The following BMP7 variants were observed in gnomAD, a reference collection of about 807,000 sequenced individuals.
BMP7 encodes the protein bone morphogenetic protein 7, also known as osteogenic protein 1.
In BMP7, 12 loss-of-function variants were observed where a neutral mutation model predicts 41.2. That is an observed-to-expected ratio of 0.29 (90% confidence interval 0.19 to 0.47). The LOEUF is 0.47. BMP7 is among the 20% of genes least tolerant of loss of function. The probability of loss-of-function intolerance (pLI) is 0.99; values close to 1 mark genes in which losing one functional copy is unlikely to be tolerated. For synonymous variants in BMP7, 248 were observed against 250.0 expected, an observed-to-expected ratio of 0.99 and a Z score of 0.07; for missense variants, 467 against 606.0, an observed-to-expected ratio of 0.77 and a Z score of 2.41.
intron 1 of BMP7, among the ~76,000 whole-genome samples, chr20:57,238,184 G>A (rs941330522): frequency 3.3e-5 from 5 of 151,990 alleles, no homozygotes; most frequent in African/African-American, 1.2e-4. Context: ...GACTGCTTTG[G>A]GCAACACCTA....
chr20:57,265,626 A>C (rs2066173598), intron 1 of BMP7, 79 bp downstream of exon 1: 1 of 1,539,150 alleles, frequency 6.5e-7, no homozygotes, highest in South Asian at 1.2e-5. Context: ...GGCGGGCTGC[A>C]TAGAAGAAGC....
intron 1 of BMP7, among the ~76,000 whole-genome samples, chr20:57,252,321 G>T (rs144998835): frequency 3.9e-5 from 6 of 152,326 alleles, no homozygotes; most frequent in Non-Finnish European, 8.8e-5. Context: ...TGGCCCGCGG[G>T]CTGGGGTCTG....
chr20:57,200,843 A>G (rs547436825), intron 3 of BMP7, among the ~76,000 whole-genome samples: 2 of 151,936 alleles, frequency 1.3e-5, no homozygotes, highest in East Asian at 3.9e-4. Flanking sequence ...TTGGTCCTAG[A>G]GCTACACTCA....
In BMP7 at chr20:57,220,328, C is replaced by G. The variant is rs558233288; in HGVS notation, c.611+7901G>C. Among the ~76,000 whole-genome samples, 4 of 152,306 alleles carry G rather than the reference C, an allele frequency of 2.6e-5. No homozygotes were observed. The East Asian group carries it at 7.7e-4, about 29-fold the overall frequency. The stretch of plus-strand genomic sequence containing the variant: ...GTTCCTGGTAAGCCTGTATTCCCCA[C>G]CCTTAGAGTTAGTATTTGAGCAGAC... On this transcript the variant is annotated intron_variant, in intron 2 of 6. Transcript: ENST00000395863.
At position 57,169,443 on chromosome 20, in the gene BMP7, C is replaced by T. The variant is rs6014947; in HGVS notation, c.*1516G>A. On this transcript the variant is annotated 3_prime_UTR_variant, in exon 7 of 7. Transcript: ENST00000395863. ...CAAGGCAGGCTTACACCAAGAGCCA[C>T]GTCAGAAATGCCACCTCCAAATCGG... 63,198 of 152,218 alleles carry T rather than the reference C, an allele frequency of 0.42. 14,503 individuals carry two copies. The highest frequency in any genetic ancestry group is 0.68 in the East Asian group (3,509 of 5,172). 9.4% of individuals were successfully genotyped at this position (152,218 alleles called of 1,614,324 possible). A position where few individuals can be genotyped will look rare whatever the true frequency, so the allele number is the denominator to read the frequency against.
chr20:57,215,211 A>G lies in BMP7; in HGVS notation c.612-12588T>C, dbSNP rs755395720. 1.6e-4 allele frequency among the ~76,000 whole-genome samples: 25 copies of G among 152,108 alleles called. No individual in the cohort carries two copies. The highest frequency in any genetic ancestry group is 3.2e-4 in the Non-Finnish European group (22 of 68,030). On this transcript the variant is annotated intron_variant, in intron 2 of 6. Coordinates refer to ENST00000395863, the MANE Select transcript of BMP7 (RefSeq NM_001719.3). This position sits in a 1 kb window ranked among gnomAD's most constrained non-coding sequence, Gnocchi z 4.2. ...CCCACCTTCACAGGCCTGGCTATGG[A>G]ACCAGGGGGCTGTCAAATTACCTCA...
At chr20:57,217,489 C>T (rs2180779) in intron 2 of BMP7, among the ~76,000 whole-genome samples, 100,246 of 152,176 alleles carry the variant, frequency 0.66, 34,093 homozygotes, top group African/African-American at 0.83. Flanking sequence ...CTGGGGACCC[C>T]GTGTGGCTGT....
At chr20:57,241,376 T>C (rs576383237) in intron 1 of BMP7, among the ~76,000 whole-genome samples, 11 of 152,230 alleles carry the variant, frequency 7.2e-5, no homozygotes, top group Non-Finnish European at 1.6e-4. Flanking sequence ...TCCTGCCTAA[T>C]GCCAGTCCTT....
chr20:57,219,120 G>A (rs1985119689), intron 2 of BMP7, among the ~76,000 whole-genome samples: 1 of 125,452 alleles, frequency 8.0e-6, no homozygotes, highest in Non-Finnish European at 1.5e-5. Flanking sequence ...GCTGGTGTTT[G>A]TTCGGTGGTA....
At chr20:57,191,946 T>C (rs1371826454) in intron 3 of BMP7, among the ~76,000 whole-genome samples, 1 of 131,290 alleles carries the variant, frequency 7.6e-6, no homozygotes, top group East Asian at 2.1e-4. Context: ...GTATATTATA[T>C]AATATAGTAT....
At chr20:57,222,844 GGAAGCTTCCA>G (rs56404749) in intron 2 of BMP7, among the ~76,000 whole-genome samples, 84,065 of 139,646 alleles carry the variant, frequency 0.6, 24,098 homozygotes, top group African/African-American at 0.65. Context: ...AGAGGCTTCT[GGAAGCTTCCA>G]GAAGCTTCCA....
intron 3 of BMP7, among the ~76,000 whole-genome samples, chr20:57,190,286 C>T (rs1416582374): frequency 7.1e-6 from 1 of 141,182 alleles, no homozygotes; most frequent in African/African-American, 2.8e-5. Flanking sequence ...GAGCCAGGAA[C>T]CAGAGGAGGT....
rs935898431 is a variant in BMP7 at position 57,228,533 on chromosome 20, T to C, written c.419-112A>G. The C allele has an allele frequency of 1.0e-5, 13 of 1,300,314 alleles. No individual in the cohort carries two copies. The South Asian group carries it at 1.6e-4, about 16-fold the overall frequency. 80.5% of individuals were successfully genotyped at this position (1,300,314 alleles called of 1,614,324 possible). A position where few individuals can be genotyped will look rare whatever the true frequency, so the allele number is the denominator to read the frequency against. On this transcript the variant is annotated intron_variant, in intron 1 of 6. Coordinates refer to ENST00000395863, the MANE Select transcript of BMP7 (RefSeq NM_001719.3). This position sits in a 1 kb window ranked among gnomAD's most constrained non-coding sequence, Gnocchi z 4.5. ...CTAAGCTAGATGGAGGCATGCCCAT[T>C]GCCAGTGACCCCAGTGACAACTGCT... is the stretch of plus-strand genomic sequence containing the variant.
intron 1 of BMP7, among the ~76,000 whole-genome samples, chr20:57,239,578 C>T (rs1393436918): frequency 2.0e-5 from 3 of 152,258 alleles, no homozygotes; most frequent in African/African-American, 7.2e-5. Context: ...CCACTAGGGA[C>T]TCTGTGTGGG....
rs1023913922 is a variant in BMP7, at chr20:57,171,382, T to C, written c.1147-274A>G. On this transcript the variant is annotated intron_variant, in intron 6 of 6. Coordinates refer to ENST00000395863, the MANE Select transcript of BMP7 (RefSeq NM_001719.3). This position sits in a 1 kb window ranked among gnomAD's most constrained non-coding sequence, Gnocchi z 4.5. ...AGATCCGACATTCAGGACCAGGTAA[T>C]TCTCTGTTGGGGAACTGCCCTGTGC... Among the ~76,000 whole-genome samples the C allele has an allele frequency of 2.0e-4, 31 of 152,298 alleles. 1 individual carries two copies. The highest frequency in any genetic ancestry group is 1.4e-3 in the Admixed American group (22 of 15,298).
chr20:57,219,609 G>T (rs1265441924), intron 2 of BMP7, among the ~76,000 whole-genome samples: 1 of 152,128 alleles, frequency 6.6e-6, no homozygotes, highest in East Asian at 1.9e-4. Context: ...CACCCCCAAA[G>T]GTCACTACTG....
chr20:57,226,293 C>T (rs2066005935), intron 2 of BMP7, among the ~76,000 whole-genome samples: 1 of 152,238 alleles, frequency 6.6e-6, no homozygotes, highest in Non-Finnish European at 1.5e-5. Context: ...GCTGTGGTTT[C>T]ATCCTAAGCA....
At position 57,170,894 on chromosome 20, in the gene BMP7, G is replaced by A; in HGVS notation, c.*65C>T. ...AAAGGCAGTTGGTCTGCTGGTTCCT[G>A]GCCAAGGCGAGCAATGGAGGATCCA... On this transcript the variant is annotated 3_prime_UTR_variant, in exon 7 of 7. Coordinates refer to ENST00000395863, the MANE Select transcript of BMP7 (RefSeq NM_001719.3). 1 of 1,595,356 alleles carries A rather than the reference G, an allele frequency of 6.3e-7. No homozygotes were observed. The highest frequency in any genetic ancestry group is 1.1e-5 in the South Asian group (1 of 89,272).
chr20:57,266,094 G>T lies in BMP7; in HGVS notation c.29C>A (p.Ala10Glu). ...CCAGAGCGCCACGAAGCTGTGCGGC[G>T]CCGCAGCTCGCAGTGAGCGCACGTG... Reference protein sequence around the residue: MHVRSLRAAAPHSFVALWAP... With the variant: MHVRSLRAAEPHSFVALWAP... The change falls in exon 1 of 7, where the codon GCG becomes GAG. Residue 10 changes from alanine (A) to glutamate (E), a missense_variant. Ala to Glu is a moderately radical substitution (Grantham distance 107). This residue lies in a region of BMP7 where 407 missense variants were observed against 485.9 expected (regional missense o/e 0.84). Transcript: ENST00000395863. 6.5e-7 allele frequency: 1 copy of T among 1,536,422 alleles called. No homozygotes were observed. Among genetic ancestry groups the T allele is most frequent in the East Asian group, 2.4e-5 (1 of 40,872 alleles).
Sources: allele counts gnomAD v4.1 joint callset (sites outside exome capture counted in the v4.1 genomes callset), GRCh38; gene constraint gnomAD v4.1.1; regional missense constraint gnomAD v4.1.1; non-coding constraint Gnocchi (gnomAD v3.1); transcripts MANE v1.5; gene names NCBI Gene and HGNC (gene_info 2026-07-23, HGNC 2026-07-21).